Variants in NID2 observed in about 807,000 individuals in gnomAD.
NID2 encodes nidogen 2.
Under a neutral mutation model 145.4 loss-of-function variants are expected in NID2, and 83 were observed. The ratio of observed to expected loss-of-function variants is 0.57; its 90% CI spans 0.48 to 0.69. The LOEUF (loss-of-function observed/expected upper bound fraction) is 0.69. Among genes scored for constraint, NID2 ranks in the 30% least tolerant of loss-of-function variants. NID2 has a pLI of 0.00. For synonymous variants in NID2, 739 were observed against 701.3 expected (o/e 1.05, Z -0.85); for missense variants, 1,807 against 1,765.7 (o/e 1.02, Z -0.42).
chr14:52,019,037 C>T, intron 14 of NID2, 24 bp downstream of exon 14: 1 of 1,590,460 alleles, frequency 6.3e-7, no homozygotes, highest in Middle Eastern at 1.7e-4. Context: ...CATTCTGCTT[C>T]TTGAGCCCCA....
At chr14:52,036,410 G>A (rs1318470991) in intron 9 of NID2, among the ~76,000 whole-genome samples, 1 of 152,160 alleles carries the variant, frequency 6.6e-6, no homozygotes, top group Non-Finnish European at 1.5e-5. Context: ...TCCATCAACT[G>A]ATGGGCATGT....
chr14:52,062,389 T>C (rs1893044341), intron 2 of NID2, among the ~76,000 whole-genome samples: 2 of 152,188 alleles, frequency 1.3e-5, no homozygotes, highest in South Asian at 4.1e-4. Flanking sequence ...GCAAGAAATG[T>C]TTTTAGAGCT....
intron 9 of NID2, among the ~76,000 whole-genome samples, chr14:52,030,606 GAGAA>G (rs1891815518): frequency 1.3e-5 from 1 of 76,722 alleles, no homozygotes; most frequent in African/African-American, 4.6e-5. Flanking sequence ...AAGAAAGAAA[GAGAA>G]AGAAAAAGAA....
chr14:52,027,287 CCAG>C lies in NID2; in HGVS notation c.2585_2587del (p.Ala862del), dbSNP rs1891622515. 1 of 1,595,620 alleles carries C rather than the reference CCAG, an allele frequency of 6.3e-7. No individual in the cohort carries two copies. Among genetic ancestry groups the C allele is most frequent in the Non-Finnish European group, 8.5e-7 (1 of 1,172,058 alleles). On this transcript the variant is annotated inframe_deletion, in exon 12 of 22. Transcript: ENST00000216286. ...TCCATGGTGAACACACCGGGCCTGC[CCAG>C]CAGGAGCACAGGTATGACTGCCATC...
chr14:52,054,219 G>A lies in NID2; in HGVS notation c.870C>T (p.Ala290=). The part of the protein sequence containing the change: ...RPAAVGDLSA[A]HSSVPLGRSF... ...AACGTCCCAGGGGAACAGAAGAGTG[G>A]GCAGCGGAAAGGTCTCCAACTGCAG... is the stretch of plus-strand genomic sequence containing the variant. Residue 290 remains alanine (A), a synonymous_variant, in exon 4 of 22, where the codon GCC becomes GCT. Coordinates refer to ENST00000216286, the MANE Select transcript of NID2 (RefSeq NM_007361.4). 1 of 1,614,144 alleles carries A rather than the reference G, an allele frequency of 6.2e-7. No individual in the cohort carries two copies. Among genetic ancestry groups the A allele is most frequent in the Non-Finnish European group, 8.5e-7 (1 of 1,180,022 alleles).
At chr14:52,016,595 C>G (rs1891221368) in intron 14 of NID2, among the ~76,000 whole-genome samples, 2 of 152,198 alleles carry the variant, frequency 1.3e-5, no homozygotes, top group Non-Finnish European at 2.9e-5. Flanking sequence ...CTTCTCACTA[C>G]TGCACCCCCT....
chr14:52,034,361 C>G (rs1199668243), intron 9 of NID2, among the ~76,000 whole-genome samples: 3 of 152,164 alleles, frequency 2.0e-5, no homozygotes, highest in Non-Finnish European at 2.9e-5. Context: ...CAACACAGGG[C>G]TGACCTGGAC....
Position 52,015,139 on chromosome 14 carries a change from G to A in NID2, c.3165C>T (p.His1055=), listed in dbSNP as rs773503992. ...CACACCAGCAGAAGTCGCTCTTTCC[G>A]TGGCACTGCAGGGGGATGAAGTGGC... is the stretch of plus-strand genomic sequence containing the variant. ...DLGHFIPLQC[H]GKSDFCWCVD... is the part of the protein sequence containing the mutation. Residue 1055 remains histidine (H), a synonymous_variant, in exon 15 of 22, where the codon CAC becomes CAT. Transcript: ENST00000216286. The A allele has an allele frequency of 1.7e-5, 27 of 1,613,962 alleles. No homozygotes were observed. Among genetic ancestry groups the A allele is most frequent in the Middle Eastern group, 1.6e-4 (1 of 6,080 alleles).
At chr14:52,045,620 A>G (rs111441841) in intron 5 of NID2, among the ~76,000 whole-genome samples, 1 of 151,772 alleles carries the variant, frequency 6.6e-6, no homozygotes, top group African/African-American at 2.4e-5. Context: ...AAACTGTATC[A>G]CTGTCTATTA....
At chr14:52,030,595 A>G (rs1207051891) in intron 9 of NID2, among the ~76,000 whole-genome samples, 29 of 95,174 alleles carry the variant, frequency 3.0e-4, no homozygotes, top group Admixed American at 2.3e-3. Context: ...AGAAAGAAAG[A>G]AAGAAAGAAA....
chr14:52,014,980 TCAC>T (rs1014955747), intron 15 of NID2, 71 bp downstream of exon 15: 56 of 1,268,254 alleles, frequency 4.4e-5, no homozygotes, highest in Middle Eastern at 2.3e-4. Context: ...TCCCCCCACT[TCAC>T]CACAGCAGGC....
chr14:52,056,992 C>T (rs1892867889), intron 3 of NID2, among the ~76,000 whole-genome samples: 1 of 152,084 alleles, frequency 6.6e-6, no homozygotes, highest in Non-Finnish European at 1.5e-5. Context: ...AGTTGTGAGA[C>T]AAATTTGAGG....
chr14:52,068,279 T>C (rs7151874), intron 1 of NID2, 116 bp from the exon 2 acceptor site: 1,000,423 of 1,004,310 alleles, frequency 1, 498,374 homozygotes, highest in East Asian at 1. Flanking sequence ...CCTTCCCCAC[T>C]GGCCAGGGAG....
At chr14:52,005,677 C>CAT (rs1258182660) in intron 21 of NID2, 60 bp downstream of exon 21, 24 of 1,439,422 alleles carry the variant, frequency 1.7e-5, no homozygotes, top group African/African-American at 4.2e-5. Context: ...AATCAAATAC[C>CAT]ATATATATCC....
At chr14:52,024,535 G>A (rs552892411) in intron 12 of NID2, among the ~76,000 whole-genome samples, 1 of 152,184 alleles carries the variant, frequency 6.6e-6, no homozygotes, top group African/African-American at 2.4e-5. Context: ...CTGTGGCCTT[G>A]TGAGAGATCC....
At chr14:52,046,322 CA>C (rs1555365268) in intron 5 of NID2, among the ~76,000 whole-genome samples, 848 of 31,978 alleles carry the variant, frequency 0.027, 9 homozygotes, top group African/African-American at 0.15. Flanking sequence ...GACTCCATCT[CA>C]AAAAAAAAAA....
chr14:52,017,965 C>T (rs745352580), intron 14 of NID2, among the ~76,000 whole-genome samples: 6 of 152,212 alleles, frequency 3.9e-5, no homozygotes, highest in South Asian at 2.1e-4. Flanking sequence ...ACTACAGGTG[C>T]GTGCCACCAC....
chr14:52,053,996 C>T (rs1303652849), intron 4 of NID2, 24 bp downstream of exon 4: 1 of 1,610,814 alleles, frequency 6.2e-7, no homozygotes, highest in Middle Eastern at 1.7e-4. Context: ...GAGGACAGAT[C>T]AGAATCTGGA....
At chr14:52,066,871 C>T (rs537025386) in intron 2 of NID2, among the ~76,000 whole-genome samples, 1 of 152,140 alleles carries the variant, frequency 6.6e-6, no homozygotes, top group Non-Finnish European at 1.5e-5. Context: ...CACGCTGGCC[C>T]CACTCATATC....
Sources: gnomAD v4.1 joint callset for allele counts (sites outside exome capture counted in the v4.1 genomes callset) on GRCh38, gnomAD v4.1.1 for gene constraint, MANE v1.5 for transcripts, NCBI Gene and HGNC (gene_info 2026-07-23, HGNC 2026-07-21) for gene names.